PKIB: variants seen among roughly 807,000 people sequenced by gnomAD.
PKIB encodes cAMP-dependent protein kinase inhibitor beta, also known as PKI-beta.
A neutral mutation model predicts 4.5 loss-of-function variants in PKIB; 2 were observed. The observed-to-expected ratio is 0.44, with a 90% CI of 0.18 to 1.39. PKIB has a LOEUF of 1.39. Among genes scored for constraint, PKIB ranks in the 40% most tolerant of loss-of-function variants. PKIB has a pLI of 0.27. For synonymous variants in PKIB, 38 were observed against 36.0 expected (o/e 1.06, Z -0.20); for missense variants, 94 against 92.6 (o/e 1.02, Z -0.06).
chr6:122,631,342 T>A (rs1775693258), intron 1 of PKIB, among the ~76,000 whole-genome samples: 1 of 152,212 alleles, frequency 6.6e-6, no homozygotes, highest in Non-Finnish European at 1.5e-5. Context: ...TCTCACTTTT[T>A]TAGATTCAGA....
At chr6:122,570,611 C>G (rs913453035) in intron 2 of PKIB, among the ~76,000 whole-genome samples, 3 of 152,176 alleles carry the variant, frequency 2.0e-5, no homozygotes, top group Non-Finnish European at 4.4e-5. Context: ...AAAGCCAGTG[C>G]ACAAAGACCC....
intron 2 of PKIB, among the ~76,000 whole-genome samples, chr6:122,537,558 T>G (rs1389925771): frequency 6.6e-6 from 1 of 152,210 alleles, no homozygotes; most frequent in Non-Finnish European, 1.5e-5. Flanking sequence ...TGTGCCACAT[T>G]TTCTTCATCC....
intron 2 of PKIB, among the ~76,000 whole-genome samples, chr6:122,584,850 A>C (rs1284364318): frequency 6.6e-6 from 1 of 152,138 alleles, no homozygotes; most frequent in Non-Finnish European, 1.5e-5. Flanking sequence ...ACACTGGGAC[A>C]CAATGGGGAC....
At chr6:122,552,600 A>T (rs1176347214) in intron 2 of PKIB, among the ~76,000 whole-genome samples, 2 of 151,256 alleles carry the variant, frequency 1.3e-5, no homozygotes, top group Non-Finnish European at 2.9e-5. Flanking sequence ...CTCGTCTCAA[A>T]CTCCAGGCCT....
chr6:122,726,203 T>G lies in PKIB; in HGVS notation c.*1008T>G, dbSNP rs1187739633. ...TGTTAGTAAATTTTGATTTATTAGA[T>G]ATTTTAGAAAAATAATAGAATTCTG... On this transcript the variant is annotated 3_prime_UTR_variant, in exon 5 of 5. Coordinates refer to ENST00000368452, the MANE Select transcript of PKIB (RefSeq NM_181795.3). The G allele has an allele frequency of 1.3e-5, 2 of 152,158 alleles. No homozygotes were observed. Among genetic ancestry groups the G allele is most frequent in the Admixed American group, 6.5e-5 (1 of 15,274 alleles). 9.4% of individuals were successfully genotyped at this position (152,158 alleles called of 1,614,324 possible). A position where few individuals can be genotyped will look rare whatever the true frequency, so the allele number is the denominator to read the frequency against.
intron 3 of PKIB, among the ~76,000 whole-genome samples, chr6:122,687,945 T>G (rs1190055418): frequency 1.3e-5 from 2 of 152,118 alleles, no homozygotes; most frequent in Non-Finnish European, 2.9e-5. Flanking sequence ...TCCTTTTTTT[T>G]TTAAATTTTA....
At chr6:122,714,018 C>CT (rs1224874728) in intron 3 of PKIB, among the ~76,000 whole-genome samples, 2 of 152,116 alleles carry the variant, frequency 1.3e-5, no homozygotes, top group Non-Finnish European at 2.9e-5. Flanking sequence ...TATTCAGATA[C>CT]TTTTTTTCTT....
At chr6:122,531,323 A>G (rs1017245564) in intron 2 of PKIB, 1 of 152,202 alleles carries the variant, frequency 6.6e-6, no homozygotes, top group Admixed American at 6.5e-5. Flanking sequence ...GGATTGTTCT[A>G]TGACAAGAGA....
chr6:122,556,059 G>A (rs557672888), intron 2 of PKIB, among the ~76,000 whole-genome samples: 4 of 152,264 alleles, frequency 2.6e-5, no homozygotes, highest in African/African-American at 4.8e-5. Context: ...TAATCCCCAC[G>A]TGTTGGGGAA....
chr6:122,705,479 G>A (rs1779017202), intron 3 of PKIB, among the ~76,000 whole-genome samples: 3 of 151,400 alleles, frequency 2.0e-5, no homozygotes, highest in South Asian at 2.1e-4. Context: ...TTACTCTATT[G>A]TGGTAGATTT....
chr6:122,606,178 A>G (rs1280560503), upstream of PKIB, among the ~76,000 whole-genome samples: 1 of 152,256 alleles, frequency 6.6e-6, no homozygotes, highest in Non-Finnish European at 1.5e-5. Flanking sequence ...ACCAATGCCA[A>G]CAGTAGAGAA....
intron 2 of PKIB, among the ~76,000 whole-genome samples, chr6:122,504,874 A>C (rs188458418): frequency 1.8e-4 from 28 of 152,232 alleles, no homozygotes; most frequent in African/African-American, 6.7e-4. Context: ...CACCATCCGT[A>C]GGGTATCCGA....
chr6:122,598,123 A>G (rs1360054521), intron 3 of PKIB, among the ~76,000 whole-genome samples: 1 of 152,136 alleles, frequency 6.6e-6, no homozygotes, highest in Non-Finnish European at 1.5e-5. Flanking sequence ...CCTCAAGGGC[A>G]CCCAGCCTCC....
chr6:122,722,850 G>A (rs573398194), intron 4 of PKIB, among the ~76,000 whole-genome samples: 1 of 152,172 alleles, frequency 6.6e-6, no homozygotes, highest in South Asian at 2.1e-4. Flanking sequence ...AATCTTCTGC[G>A]TACCATTCTT....
intron 2 of PKIB, among the ~76,000 whole-genome samples, chr6:122,580,919 A>G (rs527734358): frequency 2.0e-5 from 3 of 152,056 alleles, no homozygotes; most frequent in Non-Finnish European, 4.4e-5. Flanking sequence ...GTCATAGTTG[A>G]TGGGGAAACA....
At chr6:122,556,169 C>T (rs1409484111) in intron 2 of PKIB, among the ~76,000 whole-genome samples, 2 of 152,116 alleles carry the variant, frequency 1.3e-5, no homozygotes, top group Non-Finnish European at 1.5e-5. Context: ...TTATAAAGGG[C>T]TTTTCCTGCC....
chr6:122,693,770 AGTC>A (rs1306636474), intron 3 of PKIB, among the ~76,000 whole-genome samples: 1 of 152,150 alleles, frequency 6.6e-6, no homozygotes, highest in East Asian at 1.9e-4. Context: ...GGGAGATTTT[AGTC>A]TTCTGGGGAA....
Position 122,715,060 on chromosome 6 carries a change from C to T in PKIB, c.-8-2727C>T, listed in dbSNP as rs574050968. Among the ~76,000 whole-genome samples the T allele has an allele frequency of 3.4e-4, 52 of 151,150 alleles. 1 individual carries two copies. The East Asian group carries it at 8.2e-3, about 24-fold the overall frequency. ...TTGGCCTCCCAAAGTGCTGGGATTA[C>T]AGGCATGAGCCACCACGCTGAGCCA... On this transcript the variant is annotated intron_variant, in intron 3 of 4. Transcript: ENST00000368452.
chr6:122,664,483 C>T (rs772086723), intron 2 of PKIB, among the ~76,000 whole-genome samples: 4 of 152,142 alleles, frequency 2.6e-5, no homozygotes, highest in Non-Finnish European at 4.4e-5. Flanking sequence ...GTGATCATAG[C>T]TCACTGTAAC....
Sources: gnomAD v4.1 joint callset for allele counts (sites outside exome capture counted in the v4.1 genomes callset) on GRCh38, gnomAD v4.1.1 for gene constraint, MANE v1.5 for transcripts, NCBI Gene and HGNC (gene_info 2026-07-23, HGNC 2026-07-21) for gene names.